Variants in TACC2 observed in about 807,000 individuals in gnomAD.
TACC2 encodes the protein transforming acidic coiled-coil-containing protein 2.
Under a neutral mutation model 227.3 loss-of-function variants are expected in TACC2, and 137 were observed. The ratio of observed to expected loss-of-function variants is 0.60; its 90% CI spans 0.52 to 0.69. The LOEUF (loss-of-function observed/expected upper bound fraction) is 0.69, where lower values mean the gene tolerates loss of function less well. TACC2 is among the 30% of genes least tolerant of loss of function. The pLI, the probability that TACC2 is intolerant of heterozygous loss-of-function variation, is 0.00. For missense variants in TACC2, 3,470 were observed against 3,694.4 expected (o/e 0.94, Z 1.57); for synonymous variants, 1,523 against 1,487.5 (o/e 1.02, Z -0.55).
At chr10:122,234,284 G>A (rs1459760165) in intron 16 of TACC2, among the ~76,000 whole-genome samples, 1 of 152,256 alleles carries the variant, frequency 6.6e-6, no homozygotes, top group Admixed American at 6.5e-5. Flanking sequence ...TCTGAAGTGG[G>A]TGACAGTGGC....
intron 5 of TACC2, 184 bp downstream of exon 5, chr10:122,088,775 T>C: frequency 2.6e-6 from 4 of 1,524,066 alleles, no homozygotes; most frequent in Non-Finnish European, 2.6e-6. Flanking sequence ...AGCTCCATTG[T>C]TGGAAAAGGG....
intron 7 of TACC2, among the ~76,000 whole-genome samples, chr10:122,173,395 C>T (rs1005950137): frequency 5.9e-5 from 9 of 152,304 alleles, no homozygotes; most frequent in East Asian, 3.9e-4. Context: ...GAGCGGGGCT[C>T]CACGCCCTGG....
intron 2 of TACC2, chr10:122,033,012 A>T: frequency 1.2e-6 from 1 of 867,038 alleles, no homozygotes; most frequent in Non-Finnish European, 1.6e-6. Context: ...AAACAAAAAA[A>T]CCCCACAAAA....
At chr10:122,107,720 G>A (rs2082994762) in intron 5 of TACC2, among the ~76,000 whole-genome samples, 1 of 150,778 alleles carries the variant, frequency 6.6e-6, no homozygotes, top group African/African-American at 2.4e-5. Flanking sequence ...AGCAGGTGGT[G>A]TTTGGTTACA....
At chr10:122,115,761 G>T (rs538899895) in intron 5 of TACC2, among the ~76,000 whole-genome samples, 2 of 152,260 alleles carry the variant, frequency 1.3e-5, no homozygotes, top group South Asian at 2.1e-4. Flanking sequence ...GCATGTGTGG[G>T]TGTATTTTTT....
intron 3 of TACC2, among the ~76,000 whole-genome samples, chr10:122,059,560 TC>T (rs1404533000): frequency 3.2e-5 from 2 of 62,816 alleles, no homozygotes; most frequent in Admixed American, 2.2e-4. Flanking sequence ...TGTTCTCTCC[TC>T]TTTTTTTTTT....
chr10:122,171,118 C>G (rs1172535856), intron 7 of TACC2, among the ~76,000 whole-genome samples: 4 of 152,144 alleles, frequency 2.6e-5, no homozygotes, highest in African/African-American at 9.7e-5. Flanking sequence ...GAAGGTGGGT[C>G]TTTTGTACAG....
Position 122,229,433 on chromosome 10 carries a change from C to G in TACC2, c.7984C>G (p.Leu2662Val). The G allele has an allele frequency of 1.2e-6, 2 of 1,614,054 alleles. No individual in the cohort carries two copies. Among genetic ancestry groups the G allele is most frequent in the Middle Eastern group, 1.6e-4 (1 of 6,062 alleles). Reference sequence around the variant, plus strand: ...CTCTCTCTGTGGTGCACTTGACTATCTGGAGCCCGACTTAGCAGAAAAGAA... The same window carrying G: ...CTCTCTCTGTGGTGCACTTGACTATGTGGAGCCCGACTTAGCAGAAAAGAA... ...PVSLCGALDY[L>V]EPDLAEKNPP... The change falls in exon 15 of 23, where the codon CTG (leucine) becomes GTG (valine). Residue 2662 changes from leucine to valine, a missense_variant. Leu to Val is a conservative substitution (Grantham distance 32). Around this residue, in one of 10 missense-constraint regions of TACC2, gnomAD observed 345 missense variants for 354.4 expected, o/e 0.97. Transcript: ENST00000369005.
chr10:122,184,585 T>C (rs539022651), intron 7 of TACC2, among the ~76,000 whole-genome samples: 2 of 152,310 alleles, frequency 1.3e-5, no homozygotes, highest in Admixed American at 6.5e-5. Context: ...GCCTGCATCC[T>C]CCCTTGTACG....
intron 14 of TACC2, among the ~76,000 whole-genome samples, 187 bp from the exon 15 acceptor site, chr10:122,229,159 G>A (rs2095685823): frequency 6.6e-6 from 1 of 152,032 alleles, no homozygotes; most frequent in African/African-American, 2.4e-5. Context: ...CCAATCTCAA[G>A]ATGTGCATTG....
Position 122,195,028 on chromosome 10 carries a change from C to T in TACC2, c.5835-12C>T, listed in dbSNP as rs2094519540. The T allele has an allele frequency of 6.2e-7, 1 of 1,603,372 alleles. No homozygotes were observed. The highest frequency in any genetic ancestry group is 1.3e-5 in the African/African-American group (1 of 74,968). On this transcript the variant is annotated splice_polypyrimidine_tract_variant and intron_variant, in intron 7 of 22. Coordinates refer to ENST00000369005, the MANE Select transcript of TACC2 (RefSeq NM_206862.4). ...GCCCCTGTCTAACCTGTGCTTCTCC[C>T]TCTCTCATCAGGAGTTCCGATTCTG...
intron 5 of TACC2, among the ~76,000 whole-genome samples, chr10:122,104,659 C>A (rs572314500): frequency 6.6e-6 from 1 of 152,238 alleles, no homozygotes; most frequent in African/African-American, 2.4e-5. Flanking sequence ...GAGTGAGCCA[C>A]CAGGCTCAGC....
intron 5 of TACC2, among the ~76,000 whole-genome samples, chr10:122,109,161 C>T (rs1285710836): frequency 1.3e-5 from 2 of 152,148 alleles, no homozygotes; most frequent in Non-Finnish European, 2.9e-5. Flanking sequence ...TTCTTTTCCT[C>T]TGGGTAGATA....
chr10:122,217,157 A>C (rs976025786), intron 11 of TACC2, among the ~76,000 whole-genome samples: 6 of 152,108 alleles, frequency 3.9e-5, no homozygotes, highest in Non-Finnish European at 7.4e-5. Context: ...TGATAAACAC[A>C]GCTCCAAGGG....
chr10:122,177,045 TGATAGA>T (rs1342474063), intron 7 of TACC2, among the ~76,000 whole-genome samples: 3 of 152,202 alleles, frequency 2.0e-5, no homozygotes, highest in Non-Finnish European at 4.4e-5. Context: ...GCCCCAGTCC[TGATAGA>T]GATACTTTAC....
In TACC2 at chr10:122,028,744, T is replaced by TCCC. The variant is rs1565106785; in HGVS notation, c.33+6731_33+6732insCCC. On this transcript the variant is annotated intron_variant, in intron 2 of 22. Coordinates refer to ENST00000369005, the MANE Select transcript of TACC2 (RefSeq NM_206862.4). ...CTTCCTTCCTTCCTTCCCCCTCCCC[T>TCCC]CTCCTCCCTTCCCCTTCTGTTCCCT... Among the ~76,000 whole-genome samples the TCCC allele has an allele frequency of 5.5e-4, 54 of 98,976 alleles. 1 individual carries two copies. The highest frequency in any genetic ancestry group is 1.9e-3 in the African/African-American group (51 of 27,220). 64.9% of individuals were successfully genotyped at this position (98,976 alleles called of 152,430 possible).
chr10:122,087,260 A>G lies in TACC2; in HGVS notation c.4760A>G (p.Glu1587Gly), dbSNP rs1054127152. 6.2e-6 allele frequency: 10 copies of G among 1,613,686 alleles called. No homozygotes were observed. Among genetic ancestry groups the G allele is most frequent in the African/African-American group, 1.3e-5 (1 of 74,954 alleles). ...GTGGCTCCCCATAGCCATGGAGAAGAGGCCGTGGCCCAAGACAGAATTCCT... is the reference window on the plus strand; with the variant it reads ...GTGGCTCCCCATAGCCATGGAGAAGGGGCCGTGGCCCAAGACAGAATTCCT... ...FQVAPHSHGE[E>G]AVAQDRIPSG... Residue 1587 changes from glutamate (E) to glycine (G), a missense_variant, in exon 4 of 23, where the codon GAG (glutamate) becomes GGG (glycine). This residue lies in a region of TACC2 where 1,924 missense variants were observed against 1,978.3 expected (regional missense o/e 0.97). Coordinates refer to ENST00000369005, the MANE Select transcript of TACC2 (RefSeq NM_206862.4).
rs370288691 is a variant in TACC2, at chr10:122,059,059, A to ATTTTT, written c.146+8512_146+8513insTTTTT. On this transcript the variant is annotated intron_variant, in intron 3 of 22. Coordinates refer to ENST00000369005, the MANE Select transcript of TACC2 (RefSeq NM_206862.4). ...AGGCGCCTGCCACTACGCCTGGCTA[A>ATTTTT]TTTGTTGTTGTTGTTGTTGTTGTTG... 3.5e-4 allele frequency among the ~76,000 whole-genome samples: 42 copies of ATTTTT among 119,242 alleles called. 3 individuals carry two copies. Among genetic ancestry groups the ATTTTT allele is most frequent in the African/African-American group, 8.5e-4 (29 of 33,972 alleles). 78.2% of individuals were successfully genotyped at this position (119,242 alleles called of 152,430 possible).
In TACC2 at chr10:122,083,521, C is replaced by G; in HGVS notation, c.1021C>G (p.Leu341Val). 1 of 1,613,244 alleles carries G rather than the reference C, an allele frequency of 6.2e-7. No individual in the cohort carries two copies. Among genetic ancestry groups the G allele is most frequent in the Non-Finnish European group, 8.5e-7 (1 of 1,179,988 alleles). ...CTGCCAGCAGCCAGTGGGAGCATATCTGCCGCACGCAGAGCTGCCCTGGGG... is the reference window on the plus strand; with the variant it reads ...CTGCCAGCAGCCAGTGGGAGCATATGTGCCGCACGCAGAGCTGCCCTGGGG... ...ESCQQPVGAY[L>V]PHAELPWGLP... Residue 341 changes from leucine (L) to valine (V), a missense_variant, in exon 4 of 23, where the codon CTG becomes GTG. Physicochemically the swap from Leu to Val is conservative, Grantham distance 32. This residue lies in a region of TACC2 where 33 missense variants were observed against 60.4 expected (regional missense o/e 0.55). Transcript: ENST00000369005.
Sources: gnomAD v4.1 joint callset for allele counts (sites outside exome capture counted in the v4.1 genomes callset) on GRCh38, gnomAD v4.1.1 for gene constraint, gnomAD v4.1.1 regional missense constraint, MANE v1.5 for transcripts, NCBI Gene and HGNC (gene_info 2026-07-23, HGNC 2026-07-21) for gene names.